PRKCE: variants seen among roughly 807,000 people sequenced by gnomAD.
The protein encoded by PRKCE is protein kinase C epsilon.
In PRKCE, 16 loss-of-function variants were observed where a neutral mutation model predicts 85.4. The observed-to-expected ratio is 0.19, with a 90% CI of 0.13 to 0.28. The LOEUF is 0.28. Among genes scored for constraint, PRKCE ranks in the 10% least tolerant of loss-of-function variants. The pLI is 1.00. For synonymous variants in PRKCE, 388 were observed against 371.5 expected (o/e 1.04, Z -0.51); for missense variants, 573 against 975.2 (o/e 0.59, Z 5.49).
At chr2:45,962,350 A>C (rs1701439267) in intron 2 of PRKCE, among the ~76,000 whole-genome samples, 1 of 152,234 alleles carries the variant, frequency 6.6e-6, no homozygotes, top group South Asian at 2.1e-4. Context: ...AGACAAAGAT[A>C]ACTCACTCAT....
chr2:46,066,577 TA>T (rs1320705511), intron 10 of PRKCE, among the ~76,000 whole-genome samples: 5 of 152,238 alleles, frequency 3.3e-5, no homozygotes, highest in Non-Finnish European at 7.3e-5. Context: ...AAGTTATTTC[TA>T]GTGCTTGGGG....
intron 1 of PRKCE, among the ~76,000 whole-genome samples, chr2:45,779,603 T>TAA (rs747138886): frequency 1.5e-4 from 17 of 114,360 alleles, no homozygotes; most frequent in South Asian, 5.4e-4. Flanking sequence ...TATATTAAAG[T>TAA]AAAAAAAAAA....
At chr2:46,061,104 C>CTTTT (rs565280374) in intron 10 of PRKCE, among the ~76,000 whole-genome samples, 21 of 103,482 alleles carry the variant, frequency 2.0e-4, no homozygotes, top group East Asian at 9.1e-4. Context: ...CTTTTTTTTC[C>CTTTT]TTTTTTTTTT....
intron 2 of PRKCE, among the ~76,000 whole-genome samples, chr2:45,963,609 A>G (rs760914384): frequency 2.0e-5 from 3 of 152,114 alleles, no homozygotes; most frequent in Non-Finnish European, 2.9e-5. Flanking sequence ...GCGCCCGGCC[A>G]TCTTTACCTC....
intron 1 of PRKCE, among the ~76,000 whole-genome samples, chr2:45,817,429 C>T (rs868050542): frequency 6.6e-6 from 1 of 152,102 alleles, no homozygotes; most frequent in East Asian, 1.9e-4. Context: ...CGCGGTGGCT[C>T]ACGCTTGTAA....
At chr2:45,712,862 C>T (rs1348793142) in intron 1 of PRKCE, among the ~76,000 whole-genome samples, 1 of 152,154 alleles carries the variant, frequency 6.6e-6, no homozygotes, top group African/African-American at 2.4e-5. Context: ...AGGGCGGGGA[C>T]CATGTGTCAT....
intron 11 of PRKCE, among the ~76,000 whole-genome samples, chr2:46,092,769 A>C (rs1205704646): frequency 6.6e-6 from 1 of 152,132 alleles, no homozygotes; most frequent in Non-Finnish European, 1.5e-5. Context: ...GTTGTGATGT[A>C]AATTTTAGTC....
intron 2 of PRKCE, among the ~76,000 whole-genome samples, chr2:45,929,658 C>T (rs1477257873): frequency 1.3e-5 from 2 of 152,116 alleles, no homozygotes; most frequent in African/African-American, 4.8e-5. Flanking sequence ...AATTGGTTAC[C>T]ATTGGGAATT....
intron 1 of PRKCE, among the ~76,000 whole-genome samples, chr2:45,789,542 ATTGT>A (rs1014680867): frequency 5.9e-5 from 9 of 152,150 alleles, no homozygotes; most frequent in African/African-American, 1.7e-4. Flanking sequence ...AGGCAGGAGG[ATTGT>A]TTGAGCCTAG....
At position 45,759,129 on chromosome 2, in the gene PRKCE, C is replaced by T. The variant is rs142112405; in HGVS notation, c.349-83871C>T. On this transcript the variant is annotated intron_variant, in intron 1 of 14. Transcript: ENST00000306156. ...TCTCCCCAATGGGGCACTGTGCTGT[C>T]CCCTGCCCCTGCCCTCCATTGAGAA... Among the ~76,000 whole-genome samples, 69 of 152,318 alleles carry T rather than the reference C, an allele frequency of 4.5e-4. 1 individual carries two copies. The East Asian group carries it at 9.5e-3, about 21-fold the overall frequency.
intron 11 of PRKCE, among the ~76,000 whole-genome samples, chr2:46,124,939 C>A (rs770110428): frequency 6.6e-6 from 1 of 152,140 alleles, no homozygotes; most frequent in Non-Finnish European, 1.5e-5. Flanking sequence ...ACATTTAAAT[C>A]TTAGCTGGAA....
At chr2:45,782,360 C>T (rs992607957) in intron 1 of PRKCE, among the ~76,000 whole-genome samples, 4 of 152,134 alleles carry the variant, frequency 2.6e-5, no homozygotes, top group Admixed American at 1.3e-4. Flanking sequence ...GGTTCTAATC[C>T]CAAGTCCCCA....
At chr2:45,939,143 A>G (rs1222775416) in intron 2 of PRKCE, among the ~76,000 whole-genome samples, 3 of 152,198 alleles carry the variant, frequency 2.0e-5, no homozygotes, top group Non-Finnish European at 2.9e-5. Context: ...AACATTATAC[A>G]TTATGCCCTC....
chr2:45,982,051 C>G (rs1042125959), intron 5 of PRKCE, among the ~76,000 whole-genome samples: 2 of 152,246 alleles, frequency 1.3e-5, no homozygotes, highest in Non-Finnish European at 2.9e-5. Flanking sequence ...TGTTCCCAAA[C>G]TTGACATGTA....
intron 11 of PRKCE, among the ~76,000 whole-genome samples, chr2:46,100,885 T>C (rs1169988182): frequency 6.6e-6 from 1 of 151,658 alleles, no homozygotes. Flanking sequence ...TCTTCTCTTT[T>C]CTTGATGGGA....
intron 11 of PRKCE, among the ~76,000 whole-genome samples, chr2:46,094,586 A>G (rs1193265968): frequency 1.4e-5 from 2 of 140,318 alleles, no homozygotes; most frequent in East Asian, 2.5e-4. Flanking sequence ...ATGAGAACAC[A>G]TGGACACATG....
intron 2 of PRKCE, among the ~76,000 whole-genome samples, chr2:45,891,230 G>A (rs920197241): frequency 1.3e-5 from 2 of 152,172 alleles, no homozygotes; most frequent in African/African-American, 4.8e-5. Flanking sequence ...ACTTTGATAC[G>A]TACCATTCTG....
chr2:45,768,551 G>A (rs1298612372), intron 1 of PRKCE, among the ~76,000 whole-genome samples: 2 of 152,180 alleles, frequency 1.3e-5, no homozygotes, highest in Non-Finnish European at 2.9e-5. Flanking sequence ...ATGGGTAGGG[G>A]AGAGTTAGGA....
intron 2 of PRKCE, among the ~76,000 whole-genome samples, chr2:45,971,170 A>T (rs1332507336): frequency 6.6e-6 from 1 of 152,068 alleles, no homozygotes; most frequent in Non-Finnish European, 1.5e-5. Flanking sequence ...TATCTCCCTG[A>T]TTCCTCCTTT....
Sources: allele counts gnomAD v4.1 joint callset (sites outside exome capture counted in the v4.1 genomes callset), GRCh38; gene constraint gnomAD v4.1.1; transcripts MANE v1.5; gene names NCBI Gene and HGNC (gene_info 2026-07-23, HGNC 2026-07-21).